GABBR2: variants seen among roughly 807,000 people sequenced by gnomAD.
GABBR2 encodes gamma-aminobutyric acid type B receptor subunit 2.
GABBR2 carries 23 observed loss-of-function variants against 105.6 expected under a neutral mutation model. The ratio of observed to expected loss-of-function variants is 0.22; its 90% CI spans 0.16 to 0.31. The LOEUF (loss-of-function observed/expected upper bound fraction) is 0.31, where lower values mean the gene tolerates loss of function less well. Ranked by LOEUF, GABBR2 falls within the 10% of genes least tolerant of loss-of-function variation. The probability of loss-of-function intolerance (pLI) is 1.00; values close to 1 mark genes in which losing one functional copy is unlikely to be tolerated. For synonymous variants in GABBR2, 478 were observed against 499.7 expected (o/e 0.96, Z 0.58); for missense variants, 734 against 1,245.5 (o/e 0.59, Z 6.18).
chr9:98,494,068 C>T (rs868592784), intron 4 of GABBR2, among the ~76,000 whole-genome samples: 40 of 152,150 alleles, frequency 2.6e-4, no homozygotes, highest in Non-Finnish European at 4.0e-4. Context: ...AGAGGACATG[C>T]CATGTGTGGC....
At chr9:98,385,129 T>C (rs1323798605) in intron 11 of GABBR2, among the ~76,000 whole-genome samples, 3 of 152,210 alleles carry the variant, frequency 2.0e-5, no homozygotes, top group African/African-American at 7.2e-5. Flanking sequence ...TTCTGGAAGA[T>C]AATATTTTTC....
intron 7 of GABBR2, among the ~76,000 whole-genome samples, chr9:98,437,911 C>A: frequency 6.6e-6 from 1 of 151,460 alleles, no homozygotes; most frequent in African/African-American, 2.4e-5. Flanking sequence ...CTACCCACCA[C>A]CCACATACCC....
intron 3 of GABBR2, among the ~76,000 whole-genome samples, chr9:98,536,882 G>T (rs560642093): frequency 6.6e-6 from 1 of 152,214 alleles, no homozygotes; most frequent in South Asian, 2.1e-4. Context: ...CTGGACCAAG[G>T]CCTCCCTCCA....
rs376985516 is a variant in GABBR2, at chr9:98,652,163, T to C, written c.321+56254A>G. Among the ~76,000 whole-genome samples the C allele has an allele frequency of 2.8e-4, 43 of 152,306 alleles. 2 individuals carry two copies. In the South Asian group the frequency reaches 8.7e-3, roughly 31 times the overall value. On this transcript the variant is annotated intron_variant, in intron 1 of 18. Coordinates refer to ENST00000259455, the MANE Select transcript of GABBR2 (RefSeq NM_005458.8). ...TATCATAGTTACATTATGTGTATTA[T>C]CTTTGTTCTCAAGGGCCTGGCACTG...
At chr9:98,430,186 A>C (rs1030800122) in intron 7 of GABBR2, among the ~76,000 whole-genome samples, 1 of 150,384 alleles carries the variant, frequency 6.6e-6, no homozygotes, top group African/African-American at 2.5e-5. Context: ...GCTACTTAGG[A>C]GGCTGAGGCA....
At chr9:98,620,842 G>A (rs190023163) in intron 1 of GABBR2, among the ~76,000 whole-genome samples, 3 of 152,198 alleles carry the variant, frequency 2.0e-5, no homozygotes, top group East Asian at 3.9e-4. Context: ...ATCCCACTTC[G>A]CTATCTGCGG....
intron 4 of GABBR2, among the ~76,000 whole-genome samples, chr9:98,487,165 G>A (rs771162872): frequency 9.9e-5 from 15 of 151,940 alleles, no homozygotes; most frequent in Admixed American, 7.2e-4. Flanking sequence ...ATACCTTTTC[G>A]TCTCCATGTC....
intron 1 of GABBR2, among the ~76,000 whole-genome samples, chr9:98,615,314 ACAAGC>A (rs1829565907): frequency 6.6e-6 from 1 of 152,228 alleles, no homozygotes; most frequent in Non-Finnish European, 1.5e-5. Context: ...AGGAAGGACC[ACAAGC>A]CTATCTCAGC....
chr9:98,473,357 T>C lies in GABBR2; in HGVS notation c.799-11A>G, dbSNP rs559542945. The C allele has an allele frequency of 3.8e-6, 6 of 1,585,618 alleles. No homozygotes were observed. In the South Asian group the frequency reaches 5.5e-5, roughly 15 times the overall value. On this transcript the variant is annotated splice_polypyrimidine_tract_variant and intron_variant, in intron 5 of 18. Transcript: ENST00000259455. ...GTTCTCCTCGTATGCCTGTAAAAGA[T>C]GGAGTGACTATGAGGGCATTGAGAG...
At chr9:98,351,924 G>A (rs753500984) in intron 13 of GABBR2, among the ~76,000 whole-genome samples, 5 of 152,152 alleles carry the variant, frequency 3.3e-5, no homozygotes, top group Non-Finnish European at 7.3e-5. Context: ...ATTGATATCT[G>A]TGCATCTGGT....
chr9:98,448,020 A>G (rs1826166438), intron 7 of GABBR2, among the ~76,000 whole-genome samples: 1 of 152,106 alleles, frequency 6.6e-6, no homozygotes, highest in Non-Finnish European at 1.5e-5. Flanking sequence ...GACCAATTAG[A>G]AGATAACAGC....
intron 1 of GABBR2, among the ~76,000 whole-genome samples, chr9:98,641,057 T>TC (rs1164849661): frequency 2.0e-5 from 3 of 151,772 alleles, no homozygotes; most frequent in Non-Finnish European, 4.4e-5. Context: ...CCTTCTCCCC[T>TC]CCACCCCTAT....
intron 1 of GABBR2, among the ~76,000 whole-genome samples, chr9:98,694,806 C>T (rs1401020706): frequency 6.6e-6 from 1 of 152,192 alleles, no homozygotes; most frequent in Admixed American, 6.5e-5. Context: ...CATTACTATT[C>T]TCATTTTATA....
intron 7 of GABBR2, among the ~76,000 whole-genome samples, chr9:98,413,608 C>A (rs894211839): frequency 7.9e-5 from 12 of 152,192 alleles, no homozygotes; most frequent in Non-Finnish European, 1.6e-4. Flanking sequence ...TTGCAGGGAA[C>A]TGAAAGAAGG....
chr9:98,504,039 C>T (rs1476527999), intron 3 of GABBR2, among the ~76,000 whole-genome samples: 1 of 152,178 alleles, frequency 6.6e-6, no homozygotes, highest in South Asian at 2.1e-4. Context: ...CCCGAGCCCC[C>T]TGTCCCCATC....
At chr9:98,654,496 T>C (rs1830153183) in intron 1 of GABBR2, among the ~76,000 whole-genome samples, 1 of 152,178 alleles carries the variant, frequency 6.6e-6, no homozygotes, top group African/African-American at 2.4e-5. Flanking sequence ...GCATGGAGCA[T>C]ACATACTAGT....
chr9:98,427,106 G>C (rs796803477), intron 7 of GABBR2, among the ~76,000 whole-genome samples: 1 of 152,256 alleles, frequency 6.6e-6, no homozygotes. Context: ...AGGAGGGTCA[G>C]GAGGTTCTTC....
intron 2 of GABBR2, among the ~76,000 whole-genome samples, chr9:98,550,557 C>A (rs1411280035): frequency 2.6e-5 from 4 of 152,162 alleles, no homozygotes; most frequent in Non-Finnish European, 5.9e-5. Flanking sequence ...ATGATACAAG[C>A]CCCTCAGTCT....
intron 15 of GABBR2, among the ~76,000 whole-genome samples, chr9:98,305,007 A>T (rs935368036): frequency 1.3e-5 from 2 of 152,010 alleles, no homozygotes; most frequent in Non-Finnish European, 2.9e-5. Context: ...TCCTAGCCTC[A>T]AGTGATCCTC....
Sources: allele counts gnomAD v4.1 joint callset (sites outside exome capture counted in the v4.1 genomes callset), GRCh38; gene constraint gnomAD v4.1.1; transcripts MANE v1.5; gene names NCBI Gene and HGNC (gene_info 2026-07-23, HGNC 2026-07-21).